Variants in FUS observed in about 807,000 individuals in gnomAD.
FUS encodes the protein RNA-binding protein FUS.
In FUS, 5 loss-of-function variants were observed where a neutral mutation model predicts 82.7. The observed-to-expected ratio is 0.06, with a 90% CI of 0.03 to 0.13. The LOEUF is 0.13. Ranked by LOEUF, FUS falls within the 10% of genes least tolerant of loss-of-function variation. The pLI is 1.00. For synonymous variants in FUS, 281 were observed against 247.4 expected, an observed-to-expected ratio of 1.14 and a Z score of -1.27; for missense variants, 512 against 707.8, an observed-to-expected ratio of 0.72 and a Z score of 3.14.
intron 7 of FUS, chr16:31,187,276 A>G: frequency 3.4e-6 from 1 of 296,108 alleles, no homozygotes; most frequent in South Asian, 7.3e-5. Context: ...GGGATGTAAC[A>G]TTGCCCTGAG....
At chr16:31,187,681 G>A (rs2079290436) in intron 7 of FUS, 1 of 233,656 alleles carries the variant, frequency 4.3e-6, no homozygotes, top group East Asian at 6.1e-5. Context: ...GGCGAATTCA[G>A]ATAAACATTG....
chr16:31,191,275 T>C, intron 14 of FUS, 124 bp from the exon 15 acceptor site: 3 of 1,483,854 alleles, frequency 2.0e-6, no homozygotes, highest in Non-Finnish European at 2.8e-6. Flanking sequence ...GGAGTGAATC[T>C]GTAGACCCAC....
At chr16:31,191,132 A>G in intron 14 of FUS, 22 bp downstream of exon 14, 1 of 1,611,608 alleles carries the variant, frequency 6.2e-7, no homozygotes, top group Non-Finnish European at 8.5e-7. Context: ...AATCAGAATA[A>G]AAAAGTAGAG....
chr16:31,182,473 C>T (rs1233091147), intron 2 of FUS, 40 bp from the exon 3 acceptor site: 5 of 1,614,072 alleles, frequency 3.1e-6, no homozygotes, highest in Middle Eastern at 1.6e-4. Flanking sequence ...AGGGTGGTCA[C>T]GCCATGTTTT....
chr16:31,186,565 T>G, intron 6 of FUS: 1 of 576,856 alleles, frequency 1.7e-6, no homozygotes, highest in East Asian at 2.8e-5. Flanking sequence ...AGGAAATAGA[T>G]AACGTAACCT....
chr16:31,190,466 T>C, intron 12 of FUS, 68 bp downstream of exon 12: 1 of 1,606,038 alleles, frequency 6.2e-7, no homozygotes, highest in African/African-American at 1.3e-5. Flanking sequence ...GGTACTGAGG[T>C]ATGTGCGTGT....
At chr16:31,186,652 G>A (rs2079274881) in intron 6 of FUS, 150 bp from the exon 7 acceptor site, 1 of 719,254 alleles carries the variant, frequency 1.4e-6, no homozygotes, top group South Asian at 1.5e-5. Flanking sequence ...TCAGACAAGG[G>A]GTGGTCAGGA....
intron 6 of FUS, chr16:31,186,506 C>T: frequency 8.1e-6 from 4 of 493,214 alleles, no homozygotes; most frequent in Non-Finnish European, 1.5e-5. Flanking sequence ...AAAAAAACAT[C>T]TGCTCCATCG....
At chr16:31,193,405 T>G (rs1451160196), downstream of FUS, 6 of 526,798 alleles carry the variant, frequency 1.1e-5, no homozygotes, top group African/African-American at 9.4e-5. Context: ...GGTTTCTTTG[T>G]TAAATGTTTA....
Position 31,186,846 on chromosome 16 carries a change from CAG to C in FUS, c.799+13_799+14del, listed in dbSNP as rs769519253. Reference sequence around the variant, plus strand: ...TTCAATAAATTTGGTGGTAAGTGAACAGAGTTTCCAAAATTCCCAACTCCCAG... The same window carrying C: ...TTCAATAAATTTGGTGGTAAGTGAACAGTTTCCAAAATTCCCAACTCCCAG... On this transcript the variant is annotated intron_variant, in intron 7 of 14. Coordinates refer to ENST00000254108, the MANE Select transcript of FUS (RefSeq NM_004960.4). The C allele has an allele frequency of 1.5e-5, 24 of 1,612,470 alleles. No individual in the cohort carries two copies. The highest frequency in any genetic ancestry group is 5.3e-5 in the African/African-American group (4 of 74,912).
intron 3 of FUS, 64 bp from the exon 4 acceptor site, chr16:31,183,794 A>T: frequency 6.3e-7 from 1 of 1,598,326 alleles, no homozygotes; most frequent in Non-Finnish European, 8.6e-7. Flanking sequence ...GTTTTCTTTA[A>T]CCCATTCCTT....
chr16:31,189,900 T>TTAGCTGCG lies in FUS; in HGVS notation c.1066+107_1066+114dup, dbSNP rs2079327328. 13 of 1,596,336 alleles carry TTAGCTGCG rather than the reference T, an allele frequency of 8.1e-6. No individual in the cohort carries two copies. The East Asian group carries it at 2.7e-4, about 33-fold the overall frequency. On this transcript the variant is annotated intron_variant, in intron 10 of 14. Coordinates refer to ENST00000254108, the MANE Select transcript of FUS (RefSeq NM_004960.4). ...TCTTTTGAGTCTTCCAACACTTACT[T>TTAGCTGCG]TAGCTGCGGTTTCAGGTAGTCTCAT...
downstream of FUS, chr16:31,194,628 CTT>C (rs1157583457): frequency 2.0e-6 from 1 of 490,508 alleles, no homozygotes; most frequent in Non-Finnish European, 4.0e-6. Context: ...TTTTAATTAA[CTT>C]GTATATATTT....
intron 1 of FUS, among the ~76,000 whole-genome samples, chr16:31,180,566 C>G (rs973631204): frequency 5.9e-5 from 9 of 152,338 alleles, no homozygotes; most frequent in East Asian, 1.9e-4. Flanking sequence ...GCCCCGCGCT[C>G]GAGCCCGCTT....
In FUS at chr16:31,180,240, G is replaced by T. The variant is rs754311161; in HGVS notation, c.13+13G>T. On this transcript the variant is annotated intron_variant, in intron 1 of 14. Coordinates refer to ENST00000254108, the MANE Select transcript of FUS (RefSeq NM_004960.4). ...ATGGCCTCAAACGGTAGGTAAGGGCGCGAGGCGACGGCGGCGGCGCACCCG... is the reference window on the plus strand; with the variant it reads ...ATGGCCTCAAACGGTAGGTAAGGGCTCGAGGCGACGGCGGCGGCGCACCCG... The T allele has an allele frequency of 4.4e-6, 7 of 1,608,838 alleles. No individual in the cohort carries two copies. The African/African-American group carries it at 9.3e-5, about 21-fold the overall frequency.
At chr16:31,191,143 C>T (rs1157058718) in intron 14 of FUS, 33 bp downstream of exon 14, 3 of 1,609,648 alleles carry the variant, frequency 1.9e-6, no homozygotes, top group Non-Finnish European at 1.7e-6. Flanking sequence ...AAAAGTAGAG[C>T]AGTTGAACAG....
At position 31,190,120 on chromosome 16, in the gene FUS, C is replaced by T. The variant is rs776191869; in HGVS notation, c.1147C>T (p.Arg383Cys). 3.7e-6 allele frequency: 6 copies of T among 1,613,824 alleles called. No homozygotes were observed. The highest frequency in any genetic ancestry group is 1.3e-5 in the African/African-American group (1 of 74,862). ...ADFNRGGGNG[R>C]GGRGRGGPMG... ...CTTTAATCGGGGTGGTGGCAATGGT[C>T]GTGGAGGCCGAGGGCGAGGAGGTGA... is the stretch of plus-strand genomic sequence containing the variant. The change falls in exon 11 of 15, where the codon CGT (arginine) becomes TGT (cysteine). Residue 383 changes from arginine (R) to cysteine (C), a missense_variant. This residue lies in a region of FUS where 63 missense variants were observed against 83.0 expected (regional missense o/e 0.76). Coordinates refer to ENST00000254108, the MANE Select transcript of FUS (RefSeq NM_004960.4).
chr16:31,193,822 T>TC (rs2079390814), downstream of FUS: 1 of 512,060 alleles, frequency 2.0e-6, no homozygotes, highest in East Asian at 4.1e-5. Context: ...TTAATTACTT[T>TC]TTTTTTTTTA....
At chr16:31,183,263 C>T (rs759304944) in intron 3 of FUS, 11 of 174,656 alleles carry the variant, frequency 6.3e-5, no homozygotes, top group South Asian at 5.9e-4. Context: ...TGTGTTGAGG[C>T]CCCATCTCAA....
Sources: gnomAD v4.1 joint callset for allele counts (sites outside exome capture counted in the v4.1 genomes callset) on GRCh38, gnomAD v4.1.1 for gene constraint, gnomAD v4.1.1 regional missense constraint, MANE v1.5 for transcripts, NCBI Gene and HGNC (gene_info 2026-07-23, HGNC 2026-07-21) for gene names.